Variants in RPS6KC1 observed in about 807,000 individuals in gnomAD.
RPS6KC1 encodes the protein inactive ribosomal protein S6 kinase delta-1.
RPS6KC1 carries 54 observed loss-of-function variants against 103.8 expected under a neutral mutation model. The ratio of observed to expected loss-of-function variants is 0.52; its 90% CI spans 0.42 to 0.65. The LOEUF (loss-of-function observed/expected upper bound fraction) is 0.65, where lower values mean the gene tolerates loss of function less well. Ranked by LOEUF, RPS6KC1 falls within the 30% of genes least tolerant of loss-of-function variation. The pLI is 0.00. For missense variants in RPS6KC1, 1,151 were observed against 1,253.8 expected (o/e 0.92, Z 1.24); for synonymous variants, 439 against 438.7 (o/e 1.00, Z -0.01).
chr1:213,537,782 A>T, the RPS6KC1 span, among the ~76,000 whole-genome samples: 63 of 152,304 alleles, frequency 4.1e-4, no homozygotes, highest in African/African-American at 1.4e-3. Flanking sequence ...GGAGCTTCCC[A>T]TAACTTTCAT....
chr1:213,353,076 C>T, the RPS6KC1 span, among the ~76,000 whole-genome samples: 16 of 152,332 alleles, frequency 1.1e-4, no homozygotes, highest in Non-Finnish European at 1.8e-4. Flanking sequence ...TGTACTTGCT[C>T]ATACTGTAGA....
intron 6 of RPS6KC1, among the ~76,000 whole-genome samples, chr1:213,158,279 G>A (rs2090118121): frequency 6.6e-6 from 1 of 152,160 alleles, no homozygotes; most frequent in Non-Finnish European, 1.5e-5. Flanking sequence ...CCTGTGTTTG[G>A]TTACTAGCCT....
intron 8 of RPS6KC1, among the ~76,000 whole-genome samples, chr1:213,202,123 T>C (rs2148585273): frequency 6.6e-6 from 1 of 152,280 alleles, no homozygotes; most frequent in African/African-American, 2.4e-5. Context: ...AAGTTACAGA[T>C]CAAGGGTTTA....
At chr1:213,424,527 G>GGC in the RPS6KC1 span, among the ~76,000 whole-genome samples, 3 of 152,264 alleles carry the variant, frequency 2.0e-5, no homozygotes, top group Non-Finnish European at 4.4e-5. Flanking sequence ...TGGTGCCCTT[G>GGC]TGTTACTCCA....
chr1:213,110,220 C>T (rs1422932644), intron 4 of RPS6KC1, among the ~76,000 whole-genome samples: 2 of 152,124 alleles, frequency 1.3e-5, no homozygotes, highest in Non-Finnish European at 2.9e-5. Flanking sequence ...CAGATAGTTT[C>T]GATTGACTGG....
At chr1:213,695,273 A>T in the RPS6KC1 span, among the ~76,000 whole-genome samples, 2 of 152,248 alleles carry the variant, frequency 1.3e-5, no homozygotes, top group African/African-American at 4.8e-5. Context: ...GTGTTCAATG[A>T]TGCCTTAGAA....
At chr1:213,584,129 G>T in the RPS6KC1 span, among the ~76,000 whole-genome samples, 3 of 151,974 alleles carry the variant, frequency 2.0e-5, no homozygotes, top group Admixed American at 1.3e-4. Context: ...TTCCCCTTTC[G>T]CTTGGTTCTC....
At chr1:213,247,361 C>T (rs1055622303) in intron 12 of RPS6KC1, among the ~76,000 whole-genome samples, 1 of 152,112 alleles carries the variant, frequency 6.6e-6, no homozygotes, top group Non-Finnish European at 1.5e-5. Context: ...TTATTGACTA[C>T]CTTTCTTTGC....
chr1:213,854,704 G>C, the RPS6KC1 span, among the ~76,000 whole-genome samples: 2 of 151,990 alleles, frequency 1.3e-5, no homozygotes, highest in African/African-American at 4.8e-5. Context: ...ATAAATGTCA[G>C]TCCCTGAAAT....
At chr1:213,506,406 A>G in the RPS6KC1 span, among the ~76,000 whole-genome samples, 5 of 152,230 alleles carry the variant, frequency 3.3e-5, no homozygotes, top group Non-Finnish European at 5.9e-5. Context: ...TGGAGATGCC[A>G]TGATTGTCCA....
At chr1:213,205,438 A>C (rs866281939) in intron 8 of RPS6KC1, 5 of 934,608 alleles carry the variant, frequency 5.3e-6, no homozygotes, top group African/African-American at 1.8e-5. Context: ...GGTGGGAAGT[A>C]GCCCTCTTAA....
chr1:213,527,956 T>C, the RPS6KC1 span, among the ~76,000 whole-genome samples: 1 of 152,204 alleles, frequency 6.6e-6, no homozygotes. Context: ...TTATTATTTA[T>C]TAAGTGAAAG....
chr1:213,613,691 T>A, the RPS6KC1 span, among the ~76,000 whole-genome samples: 427 of 152,302 alleles, frequency 2.8e-3, 8 homozygotes, highest in Admixed American at 0.024. Flanking sequence ...ACTATGAGCT[T>A]GCTGCACGTG....
chr1:213,853,028 C>G, the RPS6KC1 span, among the ~76,000 whole-genome samples: 1 of 152,160 alleles, frequency 6.6e-6, no homozygotes, highest in African/African-American at 2.4e-5. Context: ...CATCTTCACT[C>G]TATTTTGCAT....
the RPS6KC1 span, among the ~76,000 whole-genome samples, chr1:213,574,065 T>C: frequency 6.6e-6 from 1 of 152,094 alleles, no homozygotes; most frequent in Non-Finnish European, 1.5e-5. Context: ...AAATCAGAAG[T>C]AAAAACAACC....
At chr1:213,666,462 A>T in the RPS6KC1 span, among the ~76,000 whole-genome samples, 16 of 152,344 alleles carry the variant, frequency 1.1e-4, no homozygotes, top group Non-Finnish European at 2.4e-4. Flanking sequence ...ATCCAATATT[A>T]TCTGACAGAT....
chr1:213,540,147 TTG>T, the RPS6KC1 span, among the ~76,000 whole-genome samples: 1 of 152,100 alleles, frequency 6.6e-6, no homozygotes, highest in African/African-American at 2.4e-5. Flanking sequence ...GGTTCTTGCT[TTG>T]TCATCCTGGC....
chr1:213,212,382 T>G (rs1232998350), intron 8 of RPS6KC1, among the ~76,000 whole-genome samples: 1 of 152,168 alleles, frequency 6.6e-6, no homozygotes, highest in Non-Finnish European at 1.5e-5. Context: ...TAATATGCAT[T>G]TAAGGTTTCT....
intron 10 of RPS6KC1, among the ~76,000 whole-genome samples, chr1:213,237,895 G>T (rs2094259612): frequency 6.6e-6 from 1 of 151,776 alleles, no homozygotes; most frequent in South Asian, 2.1e-4. Flanking sequence ...TTTTTTTAAG[G>T]TTAATATATG....
Sources: allele counts gnomAD v4.1 joint callset (sites outside exome capture counted in the v4.1 genomes callset), GRCh38; gene constraint gnomAD v4.1.1; transcripts MANE v1.5; gene names NCBI Gene and HGNC (gene_info 2026-07-23, HGNC 2026-07-21).